The following ITFG2 variants were observed in gnomAD, a reference collection of about 807,000 sequenced individuals.
ITFG2 encodes KICSTOR complex protein ITFG2.
A neutral mutation model predicts 54.4 loss-of-function variants in ITFG2; 36 were observed. The observed-to-expected ratio is 0.66, with a 90% CI of 0.51 to 0.87. The LOEUF (loss-of-function observed/expected upper bound fraction) is 0.87. Ranked by LOEUF, ITFG2 falls within the 40% of genes least tolerant of loss-of-function variation. The pLI, the probability that ITFG2 is intolerant of heterozygous loss-of-function variation, is 0.00. For synonymous variants in ITFG2, 211 were observed against 225.4 expected (o/e 0.94, Z 0.57); for missense variants, 524 against 576.7 (o/e 0.91, Z 0.94).
chr12:2,828,247 G>T, downstream of ITFG2: 1 of 1,271,784 alleles, frequency 7.9e-7, no homozygotes, highest in Non-Finnish European at 1.1e-6. Context: ...ATATGCAACT[G>T]TCGTCACTAT....
At chr12:2,858,035 G>T (rs963020716) in exon 3 of ITFG2, 3 of 152,784 alleles carry the variant, frequency 2.0e-5, no homozygotes, top group African/African-American at 7.2e-5. Flanking sequence ...GAAACACGGG[G>T]AGGTGGCAGG....
intron 1 of ITFG2, among the ~76,000 whole-genome samples, chr12:2,837,921 C>T (rs560070874): frequency 6.6e-6 from 1 of 152,308 alleles, no homozygotes; most frequent in African/African-American, 2.4e-5. Context: ...CTCCCAAGGT[C>T]TGTTCAATTT....
At chr12:2,827,246 C>G, downstream of ITFG2, 1 of 1,614,162 alleles carries the variant, frequency 6.2e-7, no homozygotes. This position sits in a 1 kb window ranked among gnomAD's most constrained non-coding sequence, Gnocchi z 4.0. Context: ...GGAAGGGTAG[C>G]TCTGAGAACG....
intron 2 of ITFG2, among the ~76,000 whole-genome samples, chr12:2,846,569 G>A (rs898358168): frequency 6.6e-6 from 1 of 152,194 alleles, no homozygotes; most frequent in East Asian, 1.9e-4. Flanking sequence ...TGAAGTCTGA[G>A]GTTGTTAGGC....
intron 2 of ITFG2, among the ~76,000 whole-genome samples, chr12:2,854,066 C>T (rs2098079657): frequency 6.6e-6 from 1 of 152,182 alleles, no homozygotes; most frequent in African/African-American, 2.4e-5. Flanking sequence ...TCTCTTGTTG[C>T]CCCGGCTGGA....
exon 4 of ITFG2, chr12:2,859,788 A>C: frequency 2.8e-6 from 2 of 704,584 alleles, no homozygotes; most frequent in Non-Finnish European, 4.6e-6. Context: ...ATATGAGAAT[A>C]CGATGTATGT....
intron 1 of ITFG2, among the ~76,000 whole-genome samples, chr12:2,814,243 C>T (rs1318652991): frequency 1.3e-5 from 2 of 152,216 alleles, no homozygotes; most frequent in African/African-American, 4.8e-5. Context: ...CCTCACCAGG[C>T]CATACTTTTA....
At chr12:2,818,706 A>C (rs1332721904) in intron 4 of ITFG2, 1 of 253,904 alleles carries the variant, frequency 3.9e-6, no homozygotes, top group Non-Finnish European at 7.8e-6. Flanking sequence ...TAAGATAATT[A>C]AGTAGTATAT....
chr12:2,848,574 G>A (rs1565446302), intron 2 of ITFG2, among the ~76,000 whole-genome samples: 1 of 152,052 alleles, frequency 6.6e-6, no homozygotes. Context: ...TTGTTCCTCT[G>A]CTGAGACCTG....
chr12:2,850,954 G>A (rs528923354), intron 2 of ITFG2, among the ~76,000 whole-genome samples: 18 of 148,974 alleles, frequency 1.2e-4, no homozygotes, highest in African/African-American at 3.2e-4. Flanking sequence ...TTACAAGCAT[G>A]AGCCAACACA....
intron 9 of ITFG2, among the ~76,000 whole-genome samples, chr12:2,822,332 C>T (rs946252475): frequency 2.0e-5 from 3 of 152,212 alleles, no homozygotes; most frequent in Non-Finnish European, 4.4e-5. Context: ...TCCATAACTT[C>T]AGCAGAAGTA....
At chr12:2,822,221 C>T (rs1368564020) in intron 9 of ITFG2, among the ~76,000 whole-genome samples, 2 of 152,142 alleles carry the variant, frequency 1.3e-5, no homozygotes, top group Non-Finnish European at 2.9e-5. Context: ...TGTGCCTGGC[C>T]GTAAGTCTCT....
intron 2 of ITFG2, among the ~76,000 whole-genome samples, chr12:2,841,960 A>AC (rs2098042109): frequency 6.7e-6 from 1 of 150,198 alleles, no homozygotes; most frequent in Admixed American, 6.7e-5. Context: ...CTCGTGATCC[A>AC]CCCCCTTCAG....
At chr12:2,849,512 A>G in intron 2 of ITFG2, 2 of 1,536,120 alleles carry the variant, frequency 1.3e-6, no homozygotes, top group Non-Finnish European at 1.7e-6. Flanking sequence ...CCACCAGCGG[A>G]TATGTGCCGG....
chr12:2,814,976 ATT>A (rs774533422), intron 1 of ITFG2, among the ~76,000 whole-genome samples: 9 of 146,448 alleles, frequency 6.1e-5, no homozygotes, highest in African/African-American at 7.5e-5. Context: ...AAAAATAAAG[ATT>A]TTTTTTTTTT....
chr12:2,858,956 A>C, intron 3 of ITFG2: 1 of 1,613,466 alleles, frequency 6.2e-7, no homozygotes, highest in South Asian at 1.1e-5. Flanking sequence ...TGGTGCTGAG[A>C]TCCATCAGCC....
At chr12:2,836,833 A>C (rs1485006468) in exon 1 of ITFG2, 1 of 152,212 alleles carries the variant, frequency 6.6e-6, no homozygotes, top group Non-Finnish European at 1.5e-5. Flanking sequence ...GCCAAGGAAC[A>C]CCTAAGAGGA....
At chr12:2,844,938 C>T (rs965019689) in intron 2 of ITFG2, among the ~76,000 whole-genome samples, 1 of 152,236 alleles carries the variant, frequency 6.6e-6, no homozygotes, top group Non-Finnish European at 1.5e-5. Flanking sequence ...CAGCCACATT[C>T]TTTACAAGCG....
chr12:2,841,557 G>GTA (rs1565441496), intron 2 of ITFG2, among the ~76,000 whole-genome samples: 1 of 152,194 alleles, frequency 6.6e-6, no homozygotes. Flanking sequence ...GTCTGATACA[G>GTA]TAACTACTAG....
Sources: gnomAD v4.1 joint callset for allele counts (sites outside exome capture counted in the v4.1 genomes callset) on GRCh38, gnomAD v4.1.1 for gene constraint, Gnocchi (gnomAD v3.1) non-coding constraint, MANE v1.5 for transcripts, NCBI Gene and HGNC (gene_info 2026-07-23, HGNC 2026-07-21) for gene names.